The following CALN1 variants were observed in gnomAD, a reference collection of about 807,000 sequenced individuals.
CALN1 encodes the protein calneuron 1.
CALN1 carries 17 observed loss-of-function variants against 30.6 expected under a neutral mutation model. That is an observed-to-expected ratio of 0.56 (90% CI 0.38 to 0.83). The LOEUF (loss-of-function observed/expected upper bound fraction) is 0.83, where lower values mean the gene tolerates loss of function less well. Ranked by LOEUF, CALN1 falls within the 40% of genes least tolerant of loss-of-function variation. The probability of loss-of-function intolerance (pLI) is 0.00; values close to 1 mark genes in which losing one functional copy is unlikely to be tolerated. For missense variants in CALN1, 291 were observed against 354.9 expected (o/e 0.82, Z 1.45); for synonymous variants, 156 against 131.4 (o/e 1.19, Z -1.28).
intron 6 of CALN1, among the ~76,000 whole-genome samples, chr7:71,803,833 C>T (rs139390706): frequency 2.4e-4 from 36 of 152,060 alleles, no homozygotes; most frequent in African/African-American, 8.0e-4. Flanking sequence ...TATTCTTGTC[C>T]CTTCCTTGGG....
chr7:71,974,417 C>CAAAAA (rs1052896558), intron 5 of CALN1, among the ~76,000 whole-genome samples: 21 of 55,006 alleles, frequency 3.8e-4, no homozygotes, highest in Admixed American at 8.2e-4. Context: ...GACTCCATCT[C>CAAAAA]AAAAAAAAAA....
At chr7:72,205,508 C>T (rs962999648) in intron 3 of CALN1, among the ~76,000 whole-genome samples, 32 of 130,262 alleles carry the variant, frequency 2.5e-4, no homozygotes, top group African/African-American at 9.6e-4. Flanking sequence ...CAGCCTTTCC[C>T]CAATTTTTGT....
rs117685655 is a variant in CALN1 at position 71,790,145 on chromosome 7, A to T, written c.659-2243T>A. Among the ~76,000 whole-genome samples, 618 of 127,438 alleles carry T rather than the reference A, an allele frequency of 4.8e-3. 21 individuals carry two copies. The East Asian group carries it at 0.12, about 25-fold the overall frequency. The allele number at this position is 127,438 out of a possible 152,430, so 83.6% of individuals were successfully genotyped here. Reference sequence around the variant, plus strand: ...GAGAAGAAAGAAGAAAGAAGAAAGAAAGAAGAAAGAGAAAGAAAAAGAAAA... The same window carrying T: ...GAGAAGAAAGAAGAAAGAAGAAAGATAGAAGAAAGAGAAAGAAAAAGAAAA... On this transcript the variant is annotated intron_variant, in intron 6 of 6. Coordinates refer to ENST00000395275, the MANE Select transcript of CALN1 (RefSeq NM_031468.4).
intron 5 of CALN1, among the ~76,000 whole-genome samples, chr7:71,847,740 A>AAAG (rs1326343877): frequency 9.0e-6 from 1 of 111,606 alleles, no homozygotes; most frequent in Non-Finnish European, 2.0e-5. Context: ...AAGAAAGAAG[A>AAAG]AAGAAGAAGA....
At position 72,403,445 on chromosome 7, in the gene CALN1, G is replaced by C; in HGVS notation, c.-73-3C>G. On this transcript the variant is annotated splice_region_variant and splice_polypyrimidine_tract_variant and intron_variant, in intron 1 of 6. Coordinates refer to ENST00000395275, the MANE Select transcript of CALN1 (RefSeq NM_031468.4). ...ACGTCAGCGAAGGCACTGAGACTCT[G>C]AAAGGAGTTGACAGAAACTTACAGC... The C allele has an allele frequency of 8.4e-7, 1 of 1,195,810 alleles. No homozygotes were observed. The allele number at this position is 1,195,810 out of a possible 1,614,324, so 74.1% of individuals were successfully genotyped here.
chr7:71,900,036 C>T (rs929500430), intron 5 of CALN1, among the ~76,000 whole-genome samples: 3 of 152,228 alleles, frequency 2.0e-5, no homozygotes, highest in Admixed American at 1.3e-4. Flanking sequence ...ACTTGCTAGA[C>T]TTGTCTACTT....
intron 4 of CALN1, among the ~76,000 whole-genome samples, chr7:72,030,131 T>C (rs1801340770): frequency 1.3e-5 from 2 of 152,222 alleles, no homozygotes; most frequent in Non-Finnish European, 2.9e-5. Context: ...AATTGGGGAA[T>C]TTCTTGGTGA....
intron 5 of CALN1, among the ~76,000 whole-genome samples, chr7:71,892,378 T>C (rs550392425): frequency 3.9e-5 from 6 of 152,358 alleles, no homozygotes; most frequent in Admixed American, 2.6e-4. Flanking sequence ...GGCTCACGCC[T>C]GTAATCCCAG....
chr7:72,468,614 T>G, the CALN1 span, among the ~76,000 whole-genome samples: 3 of 152,322 alleles, frequency 2.0e-5, no homozygotes, highest in Admixed American at 1.3e-4. Context: ...CTGCCTGGCC[T>G]GTGTTCAACT....
At chr7:71,858,728 A>G (rs767841089) in intron 5 of CALN1, among the ~76,000 whole-genome samples, 2 of 152,118 alleles carry the variant, frequency 1.3e-5, no homozygotes, top group Non-Finnish European at 2.9e-5. Flanking sequence ...GAGTGAATCT[A>G]CCTATGACCT....
At chr7:71,922,827 A>G (rs1231754183) in intron 5 of CALN1, among the ~76,000 whole-genome samples, 1 of 139,936 alleles carries the variant, frequency 7.1e-6, no homozygotes, top group Non-Finnish European at 1.5e-5. Flanking sequence ...AATATACAGA[A>G]TATATATAAA....
intron 2 of CALN1, among the ~76,000 whole-genome samples, chr7:72,371,183 T>C (rs1804222511): frequency 6.6e-6 from 1 of 152,242 alleles, no homozygotes; most frequent in South Asian, 2.1e-4. Context: ...TTTTCTTCTG[T>C]ATTTCCTTCC....
intron 5 of CALN1, among the ~76,000 whole-genome samples, chr7:71,877,252 GT>G (rs143944645): frequency 5.3e-4 from 81 of 152,288 alleles, no homozygotes; most frequent in African/African-American, 1.6e-3. Flanking sequence ...AATAGTAAAT[GT>G]TATTCTAAAT....
intron 2 of CALN1, among the ~76,000 whole-genome samples, chr7:72,333,692 A>G (rs545366884): frequency 0.015 from 823 of 55,646 alleles, 2 homozygotes; most frequent in Middle Eastern, 0.044. Flanking sequence ...GAATATGCAG[A>G]AAAAAAAAAA....
intron 2 of CALN1, among the ~76,000 whole-genome samples, chr7:72,392,208 A>C (rs1176901248): frequency 6.6e-6 from 1 of 152,104 alleles, no homozygotes; most frequent in Non-Finnish European, 1.5e-5. Context: ...CTGACATGGA[A>C]GTGATCAAAT....
At chr7:72,302,730 CTAAAA>C (rs1234601011) in intron 2 of CALN1, among the ~76,000 whole-genome samples, 1 of 151,702 alleles carries the variant, frequency 6.6e-6, no homozygotes, top group African/African-American at 2.4e-5. Flanking sequence ...CCCGTCTCTA[CTAAAA>C]ATACAAAAAA....
At chr7:72,175,229 A>G (rs941737208) in intron 3 of CALN1, among the ~76,000 whole-genome samples, 8 of 152,074 alleles carry the variant, frequency 5.3e-5, no homozygotes, top group African/African-American at 1.7e-4. Context: ...GCCCGCCACC[A>G]CACCCAGCTA....
chr7:71,861,611 C>T (rs764310086), intron 5 of CALN1, among the ~76,000 whole-genome samples: 37 of 145,388 alleles, frequency 2.5e-4, no homozygotes, highest in Non-Finnish European at 3.7e-4. Flanking sequence ...CCTGTGACTA[C>T]GAAAAAAAAA....
intron 1 of CALN1, among the ~76,000 whole-genome samples, chr7:72,423,979 G>GAGGA (rs1193138851): frequency 5.3e-5 from 6 of 112,952 alleles, no homozygotes; most frequent in East Asian, 3.5e-4. Context: ...GGGAGGGAGG[G>GAGGA]AGGAAGGAAG....
Sources: gnomAD v4.1 joint callset for allele counts (sites outside exome capture counted in the v4.1 genomes callset) on GRCh38, gnomAD v4.1.1 for gene constraint, MANE v1.5 for transcripts, NCBI Gene and HGNC (gene_info 2026-07-23, HGNC 2026-07-21) for gene names.